Variants in ME3 observed in about 807,000 individuals in gnomAD.
The protein encoded by ME3 is malic enzyme 3, also known as NADP-dependent malic enzyme, mitochondrial.
In ME3, 48 loss-of-function variants were observed where a neutral mutation model predicts 68.9. The ratio of observed to expected loss-of-function variants is 0.70; its 90% CI spans 0.55 to 0.89. The LOEUF (loss-of-function observed/expected upper bound fraction) is 0.89. Among genes scored for constraint, ME3 ranks in the 40% least tolerant of loss-of-function variants. The probability of loss-of-function intolerance (pLI) is 0.00; values close to 1 mark genes in which losing one functional copy is unlikely to be tolerated. For synonymous variants in ME3, 320 were observed against 318.8 expected (o/e 1.00, Z -0.04); for missense variants, 675 against 797.4 (o/e 0.85, Z 1.85).
At chr11:86,598,987 C>T (rs1323884857) in intron 2 of ME3, among the ~76,000 whole-genome samples, 1 of 152,080 alleles carries the variant, frequency 6.6e-6, no homozygotes, top group East Asian at 1.9e-4. Context: ...TAGATAAAAC[C>T]ACAAAGATGG....
chr11:86,458,587 G>C (rs1950067105), intron 8 of ME3, among the ~76,000 whole-genome samples: 1 of 152,122 alleles, frequency 6.6e-6, no homozygotes, highest in African/African-American at 2.4e-5. Context: ...GAACAGCCCT[G>C]GAAGTGAAGA....
At chr11:86,620,892 G>T (rs1430532865) in intron 2 of ME3, among the ~76,000 whole-genome samples, 1 of 152,096 alleles carries the variant, frequency 6.6e-6, no homozygotes, top group Non-Finnish European at 1.5e-5. Flanking sequence ...TAAAAAATCA[G>T]ATCCATCTGA....
At chr11:86,469,270 A>G (rs981087050) in intron 7 of ME3, among the ~76,000 whole-genome samples, 24 of 152,178 alleles carry the variant, frequency 1.6e-4, no homozygotes, top group African/African-American at 5.8e-4. Flanking sequence ...CTGGAATTGA[A>G]TACTAGAAGC....
intron 2 of ME3, among the ~76,000 whole-genome samples, chr11:86,652,108 C>A (rs1945481044): frequency 6.6e-6 from 1 of 152,174 alleles, no homozygotes; most frequent in Admixed American, 6.5e-5. Context: ...AAGACCAAAT[C>A]TACGTCTGAC....
chr11:86,446,939 A>C, intron 12 of ME3, 126 bp downstream of exon 12: 2 of 1,291,994 alleles, frequency 1.5e-6, no homozygotes, highest in Non-Finnish European at 2.1e-6. Context: ...TGGGCATGTT[A>C]CTTCATCTTT....
At chr11:86,563,089 A>T (rs1023188510) in intron 2 of ME3, among the ~76,000 whole-genome samples, 3 of 152,064 alleles carry the variant, frequency 2.0e-5, no homozygotes, top group African/African-American at 7.2e-5. Context: ...ACCTGAGTTG[A>T]TCCCATGTTT....
chr11:86,489,793 A>AC (rs1175740658), intron 6 of ME3, among the ~76,000 whole-genome samples: 3 of 150,634 alleles, frequency 2.0e-5, no homozygotes, highest in Admixed American at 6.6e-5. Flanking sequence ...GGCCCCACTC[A>AC]CCCCCAACTC....
intron 13 of ME3, among the ~76,000 whole-genome samples, chr11:86,443,750 T>A (rs1486004331): frequency 6.6e-6 from 1 of 152,226 alleles, no homozygotes; most frequent in African/African-American, 2.4e-5. Context: ...GAAGTGGGCC[T>A]CCCTCTCTAC....
downstream of ME3, chr11:86,436,424 T>C (rs756758082): frequency 2.0e-5 from 3 of 152,046 alleles, no homozygotes; most frequent in Non-Finnish European, 4.4e-5. Flanking sequence ...TCGTCAGATA[T>C]ATGATTTGCA....
At position 86,645,968 on chromosome 11, in the gene ME3, T is replaced by C. The variant is rs184587631; in HGVS notation, c.183+25794A>G. Among the ~76,000 whole-genome samples the C allele has an allele frequency of 1.6e-3, 241 of 152,172 alleles. 1 individual carries two copies. The highest frequency in any genetic ancestry group is 2.5e-3 in the Admixed American group (38 of 15,286). On this transcript the variant is annotated intron_variant, in intron 2 of 14. Transcript: ENST00000543262. ...GACCTGCAGAAGAGCGACCTGACTGTTAGAAGGAAAACTTACAAACAGGAA... is the reference window on the plus strand; with the variant it reads ...GACCTGCAGAAGAGCGACCTGACTGCTAGAAGGAAAACTTACAAACAGGAA...
At chr11:86,482,093 T>C (rs1010742071) in intron 7 of ME3, among the ~76,000 whole-genome samples, 1 of 152,156 alleles carries the variant, frequency 6.6e-6, no homozygotes, top group African/African-American at 2.4e-5. Flanking sequence ...CCATGGTGAG[T>C]CATATTCTCT....
chr11:86,447,038 C>G (rs757224337), intron 12 of ME3, 27 bp downstream of exon 12: 1 of 1,610,392 alleles, frequency 6.2e-7, no homozygotes, highest in Non-Finnish European at 8.5e-7. Flanking sequence ...TCCTCTCAGC[C>G]GGGGGAAGGA....
chr11:86,548,008 A>G (rs1184423791), intron 4 of ME3, among the ~76,000 whole-genome samples: 1 of 152,228 alleles, frequency 6.6e-6, no homozygotes, highest in Non-Finnish European at 1.5e-5. Context: ...TCTGTCTCCC[A>G]TTTAAGTAAG....
intron 2 of ME3, among the ~76,000 whole-genome samples, chr11:86,641,039 G>GGA (rs914983466): frequency 3.0e-5 from 1 of 33,288 alleles, no homozygotes; most frequent in Admixed American, 2.6e-4. Flanking sequence ...ATTTCACTGG[G>GGA]GGGGGGGGTC....
intron 14 of ME3, among the ~76,000 whole-genome samples, chr11:86,442,497 T>C (rs1024198477): frequency 6.6e-6 from 1 of 152,208 alleles, no homozygotes; most frequent in African/African-American, 2.4e-5. Flanking sequence ...CGTGATGCTA[T>C]GCAAGCTGAC....
intron 2 of ME3, among the ~76,000 whole-genome samples, chr11:86,566,660 A>G (rs935058011): frequency 2.0e-5 from 3 of 152,200 alleles, no homozygotes; most frequent in Admixed American, 6.5e-5. Flanking sequence ...TGAGAAGGCT[A>G]AGCAAGAGAG....
intron 2 of ME3, among the ~76,000 whole-genome samples, chr11:86,602,208 T>C (rs901210689): frequency 3.3e-5 from 5 of 149,850 alleles, no homozygotes; most frequent in African/African-American, 7.4e-5. Flanking sequence ...GAAAACCCCA[T>C]TGTCTCAGCC....
chr11:86,631,629 T>C (rs1944022372), intron 2 of ME3, among the ~76,000 whole-genome samples: 1 of 152,196 alleles, frequency 6.6e-6, no homozygotes. Flanking sequence ...TCTGGAACCA[T>C]GGGCATAATA....
intron 2 of ME3, among the ~76,000 whole-genome samples, chr11:86,568,053 C>T (rs1411577734): frequency 2.6e-5 from 4 of 151,960 alleles, no homozygotes; most frequent in East Asian, 1.9e-4. Flanking sequence ...TTACAGTTTC[C>T]GTGTGTCTAG....
Sources: allele counts gnomAD v4.1 joint callset (sites outside exome capture counted in the v4.1 genomes callset), GRCh38; gene constraint gnomAD v4.1.1; transcripts MANE v1.5; gene names NCBI Gene and HGNC (gene_info 2026-07-23, HGNC 2026-07-21).